The following TENM3 variants were observed in gnomAD, a reference collection of about 807,000 sequenced individuals.
TENM3 encodes teneurin transmembrane protein 3.
TENM3 carries 63 observed loss-of-function variants against 255.1 expected under a neutral mutation model. The observed-to-expected ratio is 0.25, with a 90% CI of 0.20 to 0.30. The LOEUF is 0.30. Among genes scored for constraint, TENM3 ranks in the 10% least tolerant of loss-of-function variants. The pLI, the probability that TENM3 is intolerant of heterozygous loss-of-function variation, is 1.00. For missense variants in TENM3, 2,929 were observed against 3,461.1 expected, an observed-to-expected ratio of 0.85 and a Z score of 3.86; for synonymous variants, 1,306 against 1,322.3, an observed-to-expected ratio of 0.99 and a Z score of 0.27.
chr4:181,777,916 C>T, the TENM3 span, among the ~76,000 whole-genome samples: 1 of 152,102 alleles, frequency 6.6e-6, no homozygotes, highest in African/African-American at 2.4e-5. Flanking sequence ...TATTGTCACA[C>T]TCTAAAATAC....
At chr4:181,907,238 C>T in the TENM3 span, among the ~76,000 whole-genome samples, 1 of 152,122 alleles carries the variant, frequency 6.6e-6, no homozygotes, top group East Asian at 1.9e-4. Context: ...CATGATGATG[C>T]TTCAAAGCAG....
At chr4:181,820,322 A>G in the TENM3 span, 1 of 152,190 alleles carries the variant, frequency 6.6e-6, no homozygotes, top group South Asian at 2.1e-4. Flanking sequence ...GATGAAAAAG[A>G]AATTTTATTT....
At chr4:181,503,729 G>T in the TENM3 span, among the ~76,000 whole-genome samples, 2 of 152,134 alleles carry the variant, frequency 1.3e-5, no homozygotes, top group African/African-American at 4.8e-5. Context: ...GTTAGTTTCC[G>T]CCAAATTATC....
intron 3 of TENM3, among the ~76,000 whole-genome samples, chr4:182,454,827 A>G (rs761117473): frequency 2.0e-5 from 3 of 152,230 alleles, no homozygotes; most frequent in African/African-American, 4.8e-5. Flanking sequence ...TATTAAACGC[A>G]GTACAAGAGC....
intron 4 of TENM3, among the ~76,000 whole-genome samples, chr4:182,618,861 T>C (rs998783728): frequency 6.6e-6 from 1 of 152,106 alleles, no homozygotes; most frequent in Non-Finnish European, 1.5e-5. Context: ...AGAACTTCTC[T>C]GCTCAGCAAT....
the TENM3 span, among the ~76,000 whole-genome samples, chr4:181,779,935 G>A: frequency 1.3e-5 from 2 of 152,098 alleles, no homozygotes; most frequent in Non-Finnish European, 2.9e-5. Flanking sequence ...ATGATTTCCA[G>A]CTTCATCCAT....
At chr4:182,411,562 G>A (rs1263776968) in intron 3 of TENM3, among the ~76,000 whole-genome samples, 1 of 152,208 alleles carries the variant, frequency 6.6e-6, no homozygotes, top group Admixed American at 6.5e-5. Context: ...ATATGGGTAA[G>A]TCTGGAGGGG....
At chr4:182,048,876 AT>A in the TENM3 span, among the ~76,000 whole-genome samples, 1 of 152,178 alleles carries the variant, frequency 6.6e-6, no homozygotes. Flanking sequence ...GTAAAACCTC[AT>A]TGTAAATGGT....
At chr4:182,360,706 A>C (rs939676476) in intron 3 of TENM3, among the ~76,000 whole-genome samples, 37 of 152,032 alleles carry the variant, frequency 2.4e-4, no homozygotes, top group Non-Finnish European at 4.7e-4. Flanking sequence ...TAATTGGAGC[A>C]TTTAGTCCAT....
At chr4:181,536,888 T>A in the TENM3 span, among the ~76,000 whole-genome samples, 19 of 152,264 alleles carry the variant, frequency 1.2e-4, no homozygotes, top group East Asian at 2.9e-3. Context: ...AAATATGGAA[T>A]GAGGAAATAG....
chr4:182,451,662 G>A (rs999694486), intron 3 of TENM3, among the ~76,000 whole-genome samples: 2 of 152,126 alleles, frequency 1.3e-5, no homozygotes, highest in African/African-American at 2.4e-5. Flanking sequence ...CTAAGCACCC[G>A]TCACTACTGC....
the TENM3 span, among the ~76,000 whole-genome samples, chr4:182,035,076 G>A: frequency 1.3e-4 from 20 of 152,068 alleles, no homozygotes; most frequent in Admixed American, 2.0e-4. Flanking sequence ...GGTTTTGTTC[G>A]TTCCTTTTCC....
chr4:182,383,002 T>G (rs1439554615), intron 3 of TENM3, among the ~76,000 whole-genome samples: 2 of 152,176 alleles, frequency 1.3e-5, no homozygotes, highest in Non-Finnish European at 2.9e-5. Flanking sequence ...TGGCGCTTGC[T>G]AAAACGTTAA....
chr4:181,542,795 T>A, the TENM3 span, among the ~76,000 whole-genome samples: 1 of 152,190 alleles, frequency 6.6e-6, no homozygotes, highest in African/African-American at 2.4e-5. Context: ...TCTCTTTTCA[T>A]AGTGAATTTC....
chr4:182,237,360 C>T (rs1756959005), intron 1 of TENM3, among the ~76,000 whole-genome samples: 1 of 138,846 alleles, frequency 7.2e-6, no homozygotes, highest in African/African-American at 2.9e-5. Flanking sequence ...CCTTTAAACC[C>T]AGACATTCTG....
the TENM3 span, among the ~76,000 whole-genome samples, chr4:181,754,208 A>G: frequency 2.0e-5 from 3 of 151,996 alleles, no homozygotes; most frequent in African/African-American, 2.4e-5. Context: ...AACAAAATAA[A>G]AGAAAGAACA....
the TENM3 span, among the ~76,000 whole-genome samples, chr4:181,727,342 G>A: frequency 6.6e-6 from 1 of 152,154 alleles, no homozygotes; most frequent in Non-Finnish European, 1.5e-5. Flanking sequence ...AATAACAGAA[G>A]CTGTCTATCA....
intron 14 of TENM3, 111 bp downstream of exon 14, chr4:182,729,292 A>G (rs1760487930): frequency 2.2e-6 from 2 of 929,962 alleles, no homozygotes; most frequent in Non-Finnish European, 3.2e-6. Context: ...TTTTTTAAAT[A>G]CAGTTTTTCC....
chr4:181,859,258 A>AC, the TENM3 span, among the ~76,000 whole-genome samples: 85 of 130,908 alleles, frequency 6.5e-4, no homozygotes, highest in African/African-American at 2.1e-3. Flanking sequence ...AAAAAAAAAA[A>AC]AAAAAAAATC....
Sources: gnomAD v4.1 joint callset for allele counts (sites outside exome capture counted in the v4.1 genomes callset) on GRCh38, gnomAD v4.1.1 for gene constraint, MANE v1.5 for transcripts, NCBI Gene and HGNC (gene_info 2026-07-23, HGNC 2026-07-21) for gene names.